AK9: variants seen among roughly 807,000 people sequenced by gnomAD.
AK9 encodes adenylate kinase 9, also known as adenylate kinase domain containing 1.
Under a neutral mutation model 239.6 loss-of-function variants are expected in AK9, and 191 were observed. The ratio of observed to expected loss-of-function variants is 0.80; its 90% CI spans 0.71 to 0.90. AK9 has a LOEUF of 0.90. Ranked by LOEUF, AK9 falls within the 40% of genes least tolerant of loss-of-function variation. The probability of loss-of-function intolerance (pLI) is 0.00; values close to 1 mark genes in which losing one functional copy is unlikely to be tolerated. For missense variants in AK9, 1,995 were observed against 2,214.7 expected, an observed-to-expected ratio of 0.90 and a Z score of 1.99; for synonymous variants, 689 against 721.0, an observed-to-expected ratio of 0.96 and a Z score of 0.71.
chr6:109,558,562 C>CA (rs1405625306), intron 24 of AK9, among the ~76,000 whole-genome samples: 14 of 152,114 alleles, frequency 9.2e-5, no homozygotes, highest in Non-Finnish European at 1.8e-4. Context: ...TATCTGGACT[C>CA]TCTTGTGTTC....
intron 10 of AK9, 108 bp downstream of exon 10, chr6:109,641,410 A>G (rs1797426173): frequency 1.4e-6 from 1 of 718,212 alleles, no homozygotes; most frequent in Non-Finnish European, 2.2e-6. Context: ...CTGGTCTCAG[A>G]CTCCTGGGCT....
chr6:109,536,636 C>T (rs958331874), intron 27 of AK9, among the ~76,000 whole-genome samples: 3 of 152,144 alleles, frequency 2.0e-5, no homozygotes, highest in African/African-American at 7.2e-5. Context: ...ACTTCCAACA[C>T]TATGTTGAAT....
chr6:109,641,955 CT>C (rs1797507524), intron 9 of AK9, among the ~76,000 whole-genome samples: 2 of 152,194 alleles, frequency 1.3e-5, no homozygotes, highest in African/African-American at 2.4e-5. Flanking sequence ...CACATTTCAA[CT>C]CATAACAGTC....
chr6:109,547,821 A>G (rs1413323121), intron 25 of AK9, among the ~76,000 whole-genome samples: 3 of 149,334 alleles, frequency 2.0e-5, no homozygotes, highest in African/African-American at 7.4e-5. Flanking sequence ...ACCAGAATAT[A>G]TAAAGAACTC....
intron 29 of AK9, among the ~76,000 whole-genome samples, chr6:109,523,797 T>A (rs1780125290): frequency 6.6e-6 from 1 of 152,136 alleles, no homozygotes. Context: ...CATGTACATA[T>A]GGGCGGTTCA....
intron 29 of AK9, chr6:109,527,621 C>G (rs1027260502): frequency 6.6e-6 from 1 of 151,566 alleles, no homozygotes; most frequent in Admixed American, 6.6e-5. Context: ...AAAAAAAAAA[C>G]CCCACATACA....
intron 32 of AK9, among the ~76,000 whole-genome samples, chr6:109,509,845 T>A (rs969695020): frequency 2.0e-5 from 3 of 151,948 alleles, no homozygotes; most frequent in African/African-American, 7.3e-5. Context: ...TGGGTGCAGC[T>A]TGGGGGGTTT....
chr6:109,523,103 A>T lies in AK9; in HGVS notation c.3633+5908T>A, dbSNP rs140778947. 2.0e-5 allele frequency among the ~76,000 whole-genome samples: 3 copies of T among 152,304 alleles called. No homozygotes were observed. The East Asian group carries it at 5.8e-4, about 29-fold the overall frequency. On this transcript the variant is annotated intron_variant, in intron 29 of 40. Coordinates refer to ENST00000424296, the MANE Select transcript of AK9 (RefSeq NM_001145128.3). Reference sequence around the variant, plus strand: ...CACTTTCTAGATATTCAAATTATATACAAATAATGAGTTTTATTCTTACTT... The same window carrying T: ...CACTTTCTAGATATTCAAATTATATTCAAATAATGAGTTTTATTCTTACTT...
At chr6:109,584,544 C>A (rs1012486215) in intron 19 of AK9, among the ~76,000 whole-genome samples, 1 of 152,094 alleles carries the variant, frequency 6.6e-6, no homozygotes, top group East Asian at 1.9e-4. Flanking sequence ...ATTCTTCAAT[C>A]TGAAGGACTT....
At chr6:109,569,529 A>G (rs182487912) in intron 21 of AK9, among the ~76,000 whole-genome samples, 1 of 152,318 alleles carries the variant, frequency 6.6e-6, no homozygotes, top group African/African-American at 2.4e-5. Context: ...CAATCTACCC[A>G]TCTGACAAAG....
At chr6:109,606,281 GATAGA>G (rs1432406876) in intron 17 of AK9, among the ~76,000 whole-genome samples, 3 of 152,026 alleles carry the variant, frequency 2.0e-5, no homozygotes, top group Admixed American at 2.0e-4. Context: ...TAGATAGATA[GATAGA>G]TAGATAGATA....
intron 8 of AK9, among the ~76,000 whole-genome samples, chr6:109,653,959 T>C (rs1464461415): frequency 6.6e-6 from 1 of 152,094 alleles, no homozygotes; most frequent in Non-Finnish European, 1.5e-5. Context: ...ACAACAATGT[T>C]GAACTCTGAG....
chr6:109,656,693 T>C, intron 8 of AK9, 63 bp downstream of exon 8: 1 of 1,479,206 alleles, frequency 6.8e-7, no homozygotes, highest in Admixed American at 1.9e-5. Flanking sequence ...ATGTGAAAGC[T>C]ACTTAACCAG....
At chr6:109,608,717 T>A (rs1203812291) in intron 17 of AK9, among the ~76,000 whole-genome samples, 1 of 152,034 alleles carries the variant, frequency 6.6e-6, no homozygotes, top group African/African-American at 2.4e-5. Flanking sequence ...AAAGGAAAAA[T>A]TAATAAATTT....
chr6:109,549,168 A>G (rs540916159), intron 25 of AK9, among the ~76,000 whole-genome samples: 1 of 152,196 alleles, frequency 6.6e-6, no homozygotes, highest in African/African-American at 2.4e-5. Context: ...AACAATAGCC[A>G]CTCAAACAAT....
chr6:109,604,945 G>T (rs1328598006), intron 17 of AK9, among the ~76,000 whole-genome samples: 3 of 151,970 alleles, frequency 2.0e-5, no homozygotes, highest in Non-Finnish European at 4.4e-5. Context: ...GTCACATGTG[G>T]ATTGTTAAAA....
At chr6:109,505,023 C>T (rs1325583343) in intron 35 of AK9, among the ~76,000 whole-genome samples, 7 of 152,164 alleles carry the variant, frequency 4.6e-5, no homozygotes, top group Non-Finnish European at 8.8e-5. Flanking sequence ...TTTCCCAGTG[C>T]GATCCCATCC....
At chr6:109,575,627 T>C (rs1255112754) in intron 20 of AK9, among the ~76,000 whole-genome samples, 2 of 152,224 alleles carry the variant, frequency 1.3e-5, no homozygotes, top group Admixed American at 6.5e-5. Context: ...CTCTGTGGGT[T>C]GTCTGTTTAC....
intron 26 of AK9, among the ~76,000 whole-genome samples, chr6:109,544,680 C>T (rs189546135): frequency 6.4e-4 from 98 of 152,258 alleles, no homozygotes; most frequent in Admixed American, 2.1e-3. Flanking sequence ...TGAAGAATTG[C>T]GAGCCAGTTA....
Sources: gnomAD v4.1 joint callset for allele counts (sites outside exome capture counted in the v4.1 genomes callset) on GRCh38, gnomAD v4.1.1 for gene constraint, MANE v1.5 for transcripts, NCBI Gene and HGNC (gene_info 2026-07-23, HGNC 2026-07-21) for gene names.